The following PM20D2 variants were observed in gnomAD, a reference collection of about 807,000 sequenced individuals.
PM20D2 encodes the protein xaa-Arg dipeptidase.
A neutral mutation model predicts 42.9 loss-of-function variants in PM20D2; 33 were observed. That is an observed-to-expected ratio of 0.77 (90% confidence interval 0.58 to 1.03). The LOEUF (loss-of-function observed/expected upper bound fraction) is 1.03, where lower values mean the gene tolerates loss of function less well. Among genes scored for constraint, PM20D2 ranks in the 50% least tolerant of loss-of-function variants. The pLI, the probability that PM20D2 is intolerant of heterozygous loss-of-function variation, is 0.00. For synonymous variants in PM20D2, 250 were observed against 228.2 expected (o/e 1.10, Z -0.86); for missense variants, 548 against 557.0 (o/e 0.98, Z 0.16).
rs1230839193 is a variant in PM20D2, at chr6:89,146,506, G to C, written c.362G>C (p.Gly121Ala). ...LCEYDALPGI[G>A]HACGHNLIAE... ...GAGTACGACGCGCTGCCCGGCATCG[G>C]CCACGCCTGCGGCCACAACCTCATC... The change falls in exon 1 of 7, where the codon GGC (glycine) becomes GCC (alanine). Residue 121 changes from glycine (G) to alanine (A), a missense_variant. Gly to Ala is a moderately conservative substitution (Grantham distance 60, BLOSUM62 0). Transcript: ENST00000275072. The C allele has an allele frequency of 6.6e-7, 1 of 1,522,272 alleles. No homozygotes were observed. The highest frequency in any genetic ancestry group is 2.5e-5 in the East Asian group (1 of 39,468). The allele number at this position is 1,522,272 out of a possible 1,614,324, so 94.3% of individuals were successfully genotyped here.
At chr6:89,133,250 A>G in the PM20D2 span, among the ~76,000 whole-genome samples, 1 of 151,186 alleles carries the variant, frequency 6.6e-6, no homozygotes, top group African/African-American at 2.5e-5. Context: ...ATAAAATAAG[A>G]TAAAATATAA....
the PM20D2 span, among the ~76,000 whole-genome samples, chr6:89,125,069 C>T: frequency 6.6e-6 from 1 of 151,962 alleles, no homozygotes; most frequent in African/African-American, 2.4e-5. Flanking sequence ...AGATTAAGAT[C>T]AGATTTGTGT....
chr6:89,097,839 T>A, the PM20D2 span: 1 of 152,218 alleles, frequency 6.6e-6, no homozygotes, highest in Admixed American at 6.5e-5. Flanking sequence ...AGTCTTAATA[T>A]GAATATTTTT....
chr6:89,112,197 T>C, the PM20D2 span, among the ~76,000 whole-genome samples: 108,636 of 151,792 alleles, frequency 0.72, 38,990 homozygotes, highest in East Asian at 0.84. Flanking sequence ...ATTACAGGCA[T>C]GAGCCACCTC....
intron 3 of PM20D2, among the ~76,000 whole-genome samples, chr6:89,153,613 T>G (rs1051003001): frequency 6.6e-5 from 10 of 152,204 alleles, no homozygotes; most frequent in Non-Finnish European, 1.3e-4. Context: ...TGATTTTTTG[T>G]TTTTGAGACA....
intron 4 of PM20D2, among the ~76,000 whole-genome samples, chr6:89,155,346 C>T (rs753106428): frequency 3.9e-4 from 51 of 130,196 alleles, no homozygotes; most frequent in Non-Finnish European, 6.8e-4. Flanking sequence ...ACGATCTTGG[C>T]TCACTACAAC....
intron 5 of PM20D2, among the ~76,000 whole-genome samples, chr6:89,158,956 T>C (rs946356795): frequency 4.6e-5 from 7 of 152,306 alleles, no homozygotes; most frequent in Middle Eastern, 3.4e-3. Context: ...TCATCTGTTT[T>C]AAAAATAGAT....
Position 89,164,445 on chromosome 6 carries a change from G to A in PM20D2, c.*2182G>A, listed in dbSNP as rs145381796. The A allele has an allele frequency of 3.8e-4, 58 of 152,630 alleles. No individual in the cohort carries two copies. In the East Asian group the frequency reaches 0.011, roughly 28 times the overall value. 9.5% of individuals were successfully genotyped at this position (152,630 alleles called of 1,614,324 possible). ...CTTGTTATTATTATGTAAAAACTGG[G>A]TGGCAGTTCACAAGGAAGATTGTTG... On this transcript the variant is annotated 3_prime_UTR_variant, in exon 7 of 7. Transcript: ENST00000275072.
the PM20D2 span, among the ~76,000 whole-genome samples, chr6:89,132,782 G>A: frequency 6.6e-5 from 10 of 151,004 alleles, no homozygotes; most frequent in Non-Finnish European, 1.5e-5. Flanking sequence ...AGGTTGCAGT[G>A]AGCCGAGATT....
rs369043371 is a variant in PM20D2 at position 89,155,946 on chromosome 6, G to A, written c.912+1044G>A. ...GTCACCCAGGCTGGAGTGCAATGGC[G>A]CAATCTCAGCTCACTGCAACCTCTG... On this transcript the variant is annotated intron_variant, in intron 4 of 6. Transcript: ENST00000275072. Among the ~76,000 whole-genome samples the A allele has an allele frequency of 9.6e-4, 145 of 150,706 alleles. 1 individual carries two copies. The highest frequency in any genetic ancestry group is 3.2e-3 in the African/African-American group (130 of 40,964).
chr6:89,124,298 C>CTATGCAATTCCACATTTAATG, the PM20D2 span, among the ~76,000 whole-genome samples: 1 of 152,202 alleles, frequency 6.6e-6, no homozygotes, highest in Non-Finnish European at 1.5e-5. Flanking sequence ...GTAGTTTTAA[C>CTATGCAATTCCACATTTAATG]TCTCACACTA....
At position 89,162,576 on chromosome 6, in the gene PM20D2, A is replaced by AG. The variant is rs1304703341; in HGVS notation, c.*313_*314insG. The AG allele has an allele frequency of 1.0e-5, 2 of 195,638 alleles. No homozygotes were observed. Among genetic ancestry groups the AG allele is most frequent in the Non-Finnish European group, 2.1e-5 (2 of 96,208 alleles). 12.1% of individuals were successfully genotyped at this position (195,638 alleles called of 1,614,324 possible). A position where few individuals can be genotyped will look rare whatever the true frequency, so the allele number is the denominator to read the frequency against. On this transcript the variant is annotated 3_prime_UTR_variant, in exon 7 of 7. Transcript: ENST00000275072. ...CTTAACCTGGAGGATACATGGCATC[A>AG]TTTTTATAAAATATGTTAGTAAACC...
chr6:89,117,985 C>T, the PM20D2 span: 1 of 1,319,140 alleles, frequency 7.6e-7, no homozygotes. Context: ...CGCCGGCCCC[C>T]GGCGCGACCC....
At chr6:89,100,421 T>C in the PM20D2 span, among the ~76,000 whole-genome samples, 3 of 151,960 alleles carry the variant, frequency 2.0e-5, no homozygotes, top group African/African-American at 7.3e-5. Flanking sequence ...AAGATCAAAG[T>C]GATCTGCCAG....
At chr6:89,107,279 G>A in the PM20D2 span, 2 of 1,587,646 alleles carry the variant, frequency 1.3e-6, no homozygotes, top group Non-Finnish European at 1.7e-6. Context: ...TTAGAAATAA[G>A]GCAAAGAAAT....
chr6:89,124,866 G>C, the PM20D2 span, among the ~76,000 whole-genome samples: 1 of 148,880 alleles, frequency 6.7e-6, no homozygotes, highest in Non-Finnish European at 1.5e-5. Context: ...TTCCCAAGTT[G>C]CTGGTGCTAC....
At chr6:89,146,678 ACT>A (rs1405111078) in intron 1 of PM20D2, 69 bp downstream of exon 1, 11 of 1,256,096 alleles carry the variant, frequency 8.8e-6, no homozygotes, top group African/African-American at 8.0e-5. Context: ...GAAGGGCGGG[ACT>A]CTCGTGCGTC....
At chr6:89,117,714 GGCTCCGCGC>G in the PM20D2 span, 2 of 1,124,286 alleles carry the variant, frequency 1.8e-6, no homozygotes, top group South Asian at 4.1e-5. Flanking sequence ...CCCGCGGGGA[GGCTCCGCGC>G]AGCTCCCCCG....
At chr6:89,099,627 C>A in the PM20D2 span, among the ~76,000 whole-genome samples, 1 of 151,640 alleles carries the variant, frequency 6.6e-6, no homozygotes, top group Non-Finnish European at 1.5e-5. Context: ...CCTCCGCCTC[C>A]CAGGTTTGAG....
Sources: gnomAD v4.1 joint callset for allele counts (sites outside exome capture counted in the v4.1 genomes callset) on GRCh38, gnomAD v4.1.1 for gene constraint, MANE v1.5 for transcripts, NCBI Gene and HGNC (gene_info 2026-07-23, HGNC 2026-07-21) for gene names.